The following SLC30A9 variants were observed in gnomAD, a reference collection of about 807,000 sequenced individuals.
The protein encoded by SLC30A9 is solute carrier family 30 member 9, also known as proton-coupled zinc antiporter SLC30A9, mitochondrial.
A neutral mutation model predicts 87.5 loss-of-function variants in SLC30A9; 58 were observed. That is an observed-to-expected ratio of 0.66 (90% CI 0.54 to 0.82). The LOEUF is 0.82. SLC30A9 is among the 40% of genes least tolerant of loss of function. The pLI, the probability that SLC30A9 is intolerant of heterozygous loss-of-function variation, is 0.00. For synonymous variants in SLC30A9, 234 were observed against 233.0 expected (o/e 1.00, Z -0.04); for missense variants, 557 against 679.1 (o/e 0.82, Z 2.00).
chr4:42,041,990 A>C (rs1375495985), intron 8 of SLC30A9, among the ~76,000 whole-genome samples: 1 of 152,172 alleles, frequency 6.6e-6, no homozygotes, highest in Admixed American at 6.5e-5. Flanking sequence ...AAGGGAAGCC[A>C]TGAGGGACTG....
intron 2 of SLC30A9, among the ~76,000 whole-genome samples, chr4:42,006,946 G>A (rs1207657799): frequency 5.9e-5 from 9 of 152,052 alleles, no homozygotes; most frequent in East Asian, 5.8e-4. Context: ...TAGTCAGATC[G>A]GGGTCTTGTT....
At chr4:42,005,544 C>G (rs1157709875) in intron 2 of SLC30A9, among the ~76,000 whole-genome samples, 4 of 152,182 alleles carry the variant, frequency 2.6e-5, no homozygotes, top group Non-Finnish European at 5.9e-5. Context: ...CCCTGTTAGA[C>G]TCCTTATCTT....
At chr4:42,018,941 T>A (rs113542882) in intron 3 of SLC30A9, among the ~76,000 whole-genome samples, 1 of 151,964 alleles carries the variant, frequency 6.6e-6, no homozygotes, top group Non-Finnish European at 1.5e-5. Flanking sequence ...TTTTTAAAAA[T>A]TTTTTAAAAA....
chr4:42,086,067 G>A lies in SLC30A9; in HGVS notation c.1663-15G>A, dbSNP rs773891360. 1.5e-6 allele frequency: 2 copies of A among 1,336,550 alleles called. No homozygotes were observed. The highest frequency in any genetic ancestry group is 1.5e-5 in the South Asian group (1 of 68,942). The allele number at this position is 1,336,550 out of a possible 1,614,324, so 82.8% of individuals were successfully genotyped here. On this transcript the variant is annotated splice_polypyrimidine_tract_variant and intron_variant, in intron 17 of 17. Coordinates refer to ENST00000264451, the MANE Select transcript of SLC30A9 (RefSeq NM_006345.4). ...ATTTTGCTACAAATAATGTGGTGGT[G>A]ATTTTTCTTTCCAGAAACGAAATCC...
Position 42,086,046 on chromosome 4 carries a change from T to G in SLC30A9, c.1663-36T>G, listed in dbSNP as rs777977244. Reference sequence around the variant, plus strand: ...AATAAAAAGAAACAAGATTTTATTTTGCTACAAATAATGTGGTGGTGATTT... The same window carrying G: ...AATAAAAAGAAACAAGATTTTATTTGGCTACAAATAATGTGGTGGTGATTT... On this transcript the variant is annotated intron_variant, in intron 17 of 17. Coordinates refer to ENST00000264451, the MANE Select transcript of SLC30A9 (RefSeq NM_006345.4). 4.0e-6 allele frequency: 4 copies of G among 1,003,832 alleles called. No individual in the cohort carries two copies. The Admixed American group carries it at 1.3e-4, about 33-fold the overall frequency. The allele number at this position is 1,003,832 out of a possible 1,614,324, so 62.2% of individuals were successfully genotyped here.
chr4:41,990,647 C>T lies in SLC30A9; in HGVS notation c.-5C>T. Reference sequence around the variant, plus strand: ...TGTCCGAGTAGGGGCCTCTGCCCCACCAGGATGTTACCCGGCTTGGCCGCC... The same window carrying T: ...TGTCCGAGTAGGGGCCTCTGCCCCATCAGGATGTTACCCGGCTTGGCCGCC... On this transcript the variant is annotated 5_prime_UTR_variant, in exon 1 of 18. Coordinates refer to ENST00000264451, the MANE Select transcript of SLC30A9 (RefSeq NM_006345.4). 1.3e-6 allele frequency: 2 copies of T among 1,594,920 alleles called. No homozygotes were observed. The highest frequency in any genetic ancestry group is 1.7e-6 in the Non-Finnish European group (2 of 1,165,772).
chr4:42,050,735 T>G (rs1035974562), intron 9 of SLC30A9, among the ~76,000 whole-genome samples: 1 of 152,202 alleles, frequency 6.6e-6, no homozygotes, highest in Non-Finnish European at 1.5e-5. Context: ...GACAGTATAT[T>G]GGATAATAGC....
rs536795831 is a variant in SLC30A9, at chr4:42,037,239, C to CTTT, written c.670-1715_670-1713dup. On this transcript the variant is annotated intron_variant, in intron 7 of 17. Coordinates refer to ENST00000264451, the MANE Select transcript of SLC30A9 (RefSeq NM_006345.4). ...CCTGTTTGCAAAAATTAAATGCCTT[C>CTTT]TTTTTTTTTTTTTTTTTTTTTTTTT... Among the ~76,000 whole-genome samples the CTTT allele has an allele frequency of 8.1e-3, 735 of 90,980 alleles. 1 individual carries two copies. The highest frequency in any genetic ancestry group is 0.02 in the East Asian group (43 of 2,194). The allele number at this position is 90,980 out of a possible 152,430, so 59.7% of individuals were successfully genotyped here. A position where few individuals can be genotyped will look rare whatever the true frequency, so the allele number is the denominator to read the frequency against.
At position 42,088,453 on chromosome 4, in the gene SLC30A9, C is replaced by CT. The variant is rs1264652514; in HGVS notation, c.*2328dup. On this transcript the variant is annotated 3_prime_UTR_variant, in exon 18 of 18. Coordinates refer to ENST00000264451, the MANE Select transcript of SLC30A9 (RefSeq NM_006345.4). Reference sequence around the variant, plus strand: ...TTCTCACACTGCTATAAAGAAATACCTGAGACTGAGTAATCAAAAAAAGAG... The same window carrying CT: ...TTCTCACACTGCTATAAAGAAATACCTTGAGACTGAGTAATCAAAAAAAGAG... 2.0e-5 allele frequency: 3 copies of CT among 152,158 alleles called. No homozygotes were observed. Among genetic ancestry groups the CT allele is most frequent in the African/African-American group, 4.8e-5 (2 of 41,380 alleles). 9.4% of individuals were successfully genotyped at this position (152,158 alleles called of 1,614,324 possible).
chr4:42,083,442 A>G (rs942405466), intron 17 of SLC30A9, among the ~76,000 whole-genome samples: 1 of 152,214 alleles, frequency 6.6e-6, no homozygotes, highest in Non-Finnish European at 1.5e-5. Flanking sequence ...TACTATACAC[A>G]TGATATCTTG....
chr4:42,056,946 C>T (rs1717644654), intron 9 of SLC30A9, among the ~76,000 whole-genome samples: 2 of 152,188 alleles, frequency 1.3e-5, no homozygotes, highest in Admixed American at 1.3e-4. Flanking sequence ...GTCCAGAATC[C>T]AGCGGGGCAG....
chr4:42,035,427 AATCT>A, intron 7 of SLC30A9, 94 bp downstream of exon 7: 1 of 1,407,114 alleles, frequency 7.1e-7, no homozygotes, highest in Non-Finnish European at 9.7e-7. Context: ...CTGTGATCTC[AATCT>A]AAGATTTTCT....
At chr4:42,031,112 ACT>A (rs1716414539) in intron 6 of SLC30A9, among the ~76,000 whole-genome samples, 1 of 152,204 alleles carries the variant, frequency 6.6e-6, no homozygotes, top group African/African-American at 2.4e-5. Context: ...TTTATTTTGA[ACT>A]TTATACAAAG....
chr4:42,069,389 ATTTC>A (rs1260840332), intron 14 of SLC30A9, among the ~76,000 whole-genome samples: 1 of 152,158 alleles, frequency 6.6e-6, no homozygotes, highest in African/African-American at 2.4e-5. Flanking sequence ...TATTCCTGTA[ATTTC>A]TTTAAGAGTA....
intron 17 of SLC30A9, among the ~76,000 whole-genome samples, chr4:42,084,521 G>A (rs1464336197): frequency 3.3e-5 from 5 of 151,434 alleles, no homozygotes; most frequent in Non-Finnish European, 7.4e-5. Context: ...CGCCAGGCTG[G>A]AGTGCAGTGG....
At chr4:42,023,226 G>T in intron 5 of SLC30A9, 76 bp from the exon 6 acceptor site, 1 of 996,678 alleles carries the variant, frequency 1.0e-6, no homozygotes, top group Non-Finnish European at 1.6e-6. Flanking sequence ...ATTCTCATTA[G>T]AGAATTTAGA....
chr4:42,022,591 G>C (rs928530207), intron 4 of SLC30A9, among the ~76,000 whole-genome samples: 1 of 152,088 alleles, frequency 6.6e-6, no homozygotes, highest in Non-Finnish European at 1.5e-5. Flanking sequence ...GTACTGGTGA[G>C]GGAAGTGAAT....
At chr4:42,071,608 C>T (rs1405150408) in intron 15 of SLC30A9, among the ~76,000 whole-genome samples, 1 of 147,300 alleles carries the variant, frequency 6.8e-6, no homozygotes, top group Non-Finnish European at 1.5e-5. Flanking sequence ...GGCTAGTGTG[C>T]AATGATCATG....
At chr4:42,067,256 G>A in intron 14 of SLC30A9, 64 bp downstream of exon 14, 1 of 1,004,588 alleles carries the variant, frequency 1.0e-6, no homozygotes, top group Non-Finnish European at 1.6e-6. Flanking sequence ...TAATATGTGG[G>A]AATTTTCTCT....
Sources: allele counts gnomAD v4.1 joint callset (sites outside exome capture counted in the v4.1 genomes callset), GRCh38; gene constraint gnomAD v4.1.1; transcripts MANE v1.5; gene names NCBI Gene and HGNC (gene_info 2026-07-23, HGNC 2026-07-21).